Variants in PATJ observed in about 807,000 individuals in gnomAD.
PATJ encodes the protein inaD-like protein.
A neutral mutation model predicts 224.9 loss-of-function variants in PATJ; 190 were observed. The observed-to-expected ratio is 0.84, with a 90% confidence interval of 0.75 to 0.95. The LOEUF (loss-of-function observed/expected upper bound fraction) is 0.95, where lower values mean the gene tolerates loss of function less well. Among genes scored for constraint, PATJ ranks in the 40% least tolerant of loss-of-function variants. The pLI, the probability that PATJ is intolerant of heterozygous loss-of-function variation, is 0.00. For missense variants in PATJ, 2,121 were observed against 2,270.3 expected, an observed-to-expected ratio of 0.93 and a Z score of 1.34; for synonymous variants, 769 against 820.3, an observed-to-expected ratio of 0.94 and a Z score of 1.07.
intron 18 of PATJ, among the ~76,000 whole-genome samples, chr1:61,857,038 G>A (rs953262016): frequency 6.6e-6 from 1 of 152,072 alleles, no homozygotes; most frequent in Non-Finnish European, 1.5e-5. Context: ...CTCCATCAAA[G>A]CACCTTGTAA....
At chr1:61,896,578 T>A (rs891429976) in intron 22 of PATJ, among the ~76,000 whole-genome samples, 2 of 152,132 alleles carry the variant, frequency 1.3e-5, no homozygotes, top group Non-Finnish European at 2.9e-5. Context: ...TGGGATGGCA[T>A]GATTGCTTAT....
At chr1:61,991,545 C>T in intron 28 of PATJ, 1 of 985,208 alleles carries the variant, frequency 1.0e-6, no homozygotes, top group Non-Finnish European at 1.2e-6. Context: ...TAACTACTGC[C>T]ACAGCTGGCC....
intron 30 of PATJ, among the ~76,000 whole-genome samples, chr1:62,045,597 A>G (rs1652387901): frequency 1.3e-5 from 2 of 152,136 alleles, no homozygotes; most frequent in South Asian, 4.1e-4. Context: ...GTGATCTCAT[A>G]GGGAGAAGTT....
intron 28 of PATJ, among the ~76,000 whole-genome samples, chr1:61,997,824 T>TAA (rs1553235992): frequency 1.2e-5 from 1 of 85,498 alleles, no homozygotes. Context: ...TGTTTTGTTT[T>TAA]AAAAAAAAAA....
chr1:61,760,123 C>T (rs1486393065), intron 1 of PATJ, among the ~76,000 whole-genome samples: 1 of 152,176 alleles, frequency 6.6e-6, no homozygotes, highest in Non-Finnish European at 1.5e-5. Flanking sequence ...TTTTGTTATT[C>T]ACAGTTACCT....
At chr1:61,800,464 G>C (rs961920101) in intron 11 of PATJ, among the ~76,000 whole-genome samples, 1 of 152,076 alleles carries the variant, frequency 6.6e-6, no homozygotes, top group Non-Finnish European at 1.5e-5. Flanking sequence ...AGTTCCTTCT[G>C]GAACCTGAAT....
intron 27 of PATJ, among the ~76,000 whole-genome samples, chr1:61,939,689 T>C (rs1420515309): frequency 2.2e-5 from 3 of 136,038 alleles, no homozygotes; most frequent in Non-Finnish European, 3.1e-5. Flanking sequence ...TTTTTTTTTT[T>C]TTTTTTTTTT....
At chr1:62,144,339 A>T (rs1667798676) in intron 41 of PATJ, among the ~76,000 whole-genome samples, 1 of 152,048 alleles carries the variant, frequency 6.6e-6, no homozygotes, top group Non-Finnish European at 1.5e-5. Context: ...CTTCACCCAA[A>T]ATGTGTTCTG....
intron 29 of PATJ, among the ~76,000 whole-genome samples, chr1:62,035,772 A>T (rs1283893000): frequency 6.6e-6 from 1 of 152,070 alleles, no homozygotes; most frequent in East Asian, 1.9e-4. Context: ...GTTCACACAG[A>T]TCAGTTAGGT....
At chr1:62,071,642 C>A (rs1226769673) in intron 31 of PATJ, among the ~76,000 whole-genome samples, 1 of 151,900 alleles carries the variant, frequency 6.6e-6, no homozygotes, top group African/African-American at 2.4e-5. Context: ...TACAGGCACC[C>A]AGCTAATTTT....
chr1:61,750,107 T>A (rs1645237069), intron 1 of PATJ, among the ~76,000 whole-genome samples: 1 of 152,226 alleles, frequency 6.6e-6, no homozygotes, highest in African/African-American at 2.4e-5. Flanking sequence ...AATTTCACAT[T>A]TGAATTTTGT....
intron 27 of PATJ, among the ~76,000 whole-genome samples, chr1:61,933,101 AAATT>A (rs1263831912): frequency 3.9e-5 from 6 of 152,208 alleles, no homozygotes; most frequent in African/African-American, 1.4e-4. Flanking sequence ...TCAATTAGTG[AAATT>A]AATTGAGAAT....
At chr1:61,843,741 A>G (rs988501144) in intron 17 of PATJ, among the ~76,000 whole-genome samples, 1 of 151,534 alleles carries the variant, frequency 6.6e-6, no homozygotes, top group African/African-American at 2.4e-5. Flanking sequence ...AAAAATGCAT[A>G]TAAATGCCTA....
Position 62,048,545 on chromosome 1 carries a change from CAAAAAAAA to C in PATJ, c.4033-2403_4033-2396del, listed in dbSNP as rs773157635. The stretch of plus-strand genomic sequence containing the variant: ...TGGGCGACAGAGCGAGACTCTGTCT[CAAAAAAAA>C]AAAAAAAAAAAAAAAAAGAAAAAGA... On this transcript the variant is annotated intron_variant, in intron 30 of 43. Transcript: ENST00000642238. Among the ~76,000 whole-genome samples the C allele has an allele frequency of 8.6e-4, 57 of 66,190 alleles. No homozygotes were observed. In the East Asian group the frequency reaches 9.2e-3, roughly 11 times the overall value. 43.4% of individuals were successfully genotyped at this position (66,190 alleles called of 152,430 possible).
intron 20 of PATJ, among the ~76,000 whole-genome samples, chr1:61,872,605 A>T (rs75697119): frequency 0.021 from 3,268 of 152,324 alleles, 109 homozygotes; most frequent in African/African-American, 0.075. Context: ...TGCATATCGA[A>T]ACTCATTGTG....
Position 61,801,919 on chromosome 1 carries a change from G to A in PATJ, c.1549+150G>A, listed in dbSNP as rs1430422890. 3 of 454,648 alleles carry A rather than the reference G, an allele frequency of 6.6e-6. No individual in the cohort carries two copies. The East Asian group carries it at 1.1e-4, about 17-fold the overall frequency. 28.2% of individuals were successfully genotyped at this position (454,648 alleles called of 1,614,324 possible). On this transcript the variant is annotated intron_variant, in intron 12 of 43. Transcript: ENST00000642238. ...TAATATCAACTTTTTTTTTGAGACA[G>A]AGTTTCTTTTTTTTTTCTTTTTTTT...
Position 61,901,357 on chromosome 1 carries a change from A to G in PATJ, c.3279A>G (p.Leu1093=), listed in dbSNP as rs767039479. 8.8e-6 allele frequency: 14 copies of G among 1,588,434 alleles called. No individual in the cohort carries two copies. In the East Asian group the frequency reaches 2.8e-4, roughly 32 times the overall value. ...IVGGQTVIKR[L]KNGEELKGIF... ...GTGGACAAACTGTTATAAAACGTCT[A>G]AAGAATGGAGAGGAGCTTAAAGGTA... Residue 1093 remains leucine, a synonymous_variant, in exon 24 of 44, where the codon CTA becomes CTG. Transcript: ENST00000642238.
intron 21 of PATJ, among the ~76,000 whole-genome samples, chr1:61,881,258 GGCA>G (rs1668052030): frequency 6.6e-6 from 1 of 152,156 alleles, no homozygotes; most frequent in Non-Finnish European, 1.5e-5. Context: ...GAATACATAA[GGCA>G]GGTAGCGGAG....
chr1:61,898,318 A>G (rs557013679), intron 22 of PATJ, among the ~76,000 whole-genome samples: 9 of 152,174 alleles, frequency 5.9e-5, no homozygotes, highest in African/African-American at 1.9e-4. Context: ...ATAGCTCACT[A>G]CAGCCTTGAA....
Sources: allele counts gnomAD v4.1 joint callset (sites outside exome capture counted in the v4.1 genomes callset), GRCh38; gene constraint gnomAD v4.1.1; transcripts MANE v1.5; gene names NCBI Gene and HGNC (gene_info 2026-07-23, HGNC 2026-07-21).